PACS1: variants seen among roughly 807,000 people sequenced by gnomAD.
PACS1 encodes the protein PACS-1.
Under a neutral mutation model 115.0 loss-of-function variants are expected in PACS1, and 24 were observed. The ratio of observed to expected loss-of-function variants is 0.21; its 90% confidence interval spans 0.15 to 0.29. PACS1 has a LOEUF of 0.29. Ranked by LOEUF, PACS1 falls within the 10% of genes least tolerant of loss-of-function variation. The pLI is 1.00. For missense variants in PACS1, 838 were observed against 1,251.2 expected (o/e 0.67, Z 4.98); for synonymous variants, 453 against 504.5 (o/e 0.90, Z 1.37).
Position 66,216,230 on chromosome 11 carries a change from A to C in PACS1, c.772A>C (p.Ile258Leu). The change falls in exon 5 of 24, where the codon ATT becomes CTT. Residue 258 changes from isoleucine (I) to leucine (L), a missense_variant. This residue lies in a region of PACS1 where 223 missense variants were observed against 354.0 expected (regional missense o/e 0.63). Transcript: ENST00000320580. The part of the protein sequence containing the change: ...IKIYSLSSQP[I>L]DHEGIKSKLS... ...GATCTACTCCCTGTCCAGCCAACCC[A>C]TTGACCATGAAGGAATCAAATCCAA... 1 of 1,614,092 alleles carries C rather than the reference A, an allele frequency of 6.2e-7. No homozygotes were observed. Among genetic ancestry groups the C allele is most frequent in the Non-Finnish European group, 8.5e-7 (1 of 1,180,020 alleles).
chr11:66,160,727 C>T (rs1196446867), intron 1 of PACS1, among the ~76,000 whole-genome samples: 1 of 136,912 alleles, frequency 7.3e-6, no homozygotes, highest in Non-Finnish European at 1.5e-5. Context: ...CACTATGTTT[C>T]CCAGGCTGGT....
At chr11:66,213,055 G>A (rs962540573) in intron 4 of PACS1, among the ~76,000 whole-genome samples, 1 of 152,060 alleles carries the variant, frequency 6.6e-6, no homozygotes, top group Non-Finnish European at 1.5e-5. Context: ...GTTTCACCAT[G>A]TTGTCTGGGC....
intron 1 of PACS1, among the ~76,000 whole-genome samples, chr11:66,112,989 C>G (rs1319703225): frequency 6.6e-6 from 1 of 152,126 alleles, no homozygotes; most frequent in Non-Finnish European, 1.5e-5. Context: ...ATATGAAATT[C>G]TAGGAAGGGC....
At chr11:66,238,664 C>G in intron 19 of PACS1, 140 bp from the exon 20 acceptor site, 1 of 808,162 alleles carries the variant, frequency 1.2e-6, no homozygotes, top group South Asian at 1.6e-5. Flanking sequence ...CCACGCCCAG[C>G]CCAGATTTGC....
intron 1 of PACS1, among the ~76,000 whole-genome samples, chr11:66,164,142 G>T (rs1413679189): frequency 6.6e-6 from 1 of 152,118 alleles, no homozygotes; most frequent in Non-Finnish European, 1.5e-5. Flanking sequence ...GCAGAATCTG[G>T]ATTTAATGCC....
At chr11:66,079,789 CTT>C (rs1857452983) in intron 1 of PACS1, among the ~76,000 whole-genome samples, 1 of 152,208 alleles carries the variant, frequency 6.6e-6, no homozygotes, top group South Asian at 2.1e-4. Flanking sequence ...AAAAGATCCC[CTT>C]TTCATGGTTC....
chr11:66,077,185 C>T (rs926018396), intron 1 of PACS1, among the ~76,000 whole-genome samples: 4 of 152,222 alleles, frequency 2.6e-5, no homozygotes, highest in Non-Finnish European at 5.9e-5. Flanking sequence ...GACCTGCACC[C>T]TGCCTCTTGA....
chr11:66,070,480 C>T lies in PACS1; in HGVS notation c.-7C>T. 1 of 1,265,040 alleles carries T rather than the reference C, an allele frequency of 7.9e-7. No individual in the cohort carries two copies. Among genetic ancestry groups the T allele is most frequent in the East Asian group, 3.3e-5 (1 of 30,606 alleles). The allele number at this position is 1,265,040 out of a possible 1,614,324, so 78.4% of individuals were successfully genotyped here. A position where few individuals can be genotyped will look rare whatever the true frequency, so the allele number is the denominator to read the frequency against. ...CTCGGCCTCCGTAACCCCCGCCTAG[C>T]CGGGCCATGGCGGAACGCGGAGGGG... On this transcript the variant is annotated 5_prime_UTR_variant, in exon 1 of 24. Coordinates refer to ENST00000320580, the MANE Select transcript of PACS1 (RefSeq NM_018026.4). The surrounding 1 kb of genome is among the most constrained non-coding windows in gnomAD (Gnocchi z 5.9).
chr11:66,196,785 A>G (rs1025425250), intron 2 of PACS1, among the ~76,000 whole-genome samples: 2 of 152,108 alleles, frequency 1.3e-5, no homozygotes, highest in Non-Finnish European at 2.9e-5. Flanking sequence ...TTTAGTAGAG[A>G]CGGGGTTTTA....
chr11:66,107,895 C>G (rs563488050), intron 1 of PACS1, among the ~76,000 whole-genome samples: 1 of 152,242 alleles, frequency 6.6e-6, no homozygotes, highest in South Asian at 2.1e-4. Context: ...TTTGCAGGCC[C>G]CATCCTAATC....
intron 1 of PACS1, among the ~76,000 whole-genome samples, chr11:66,135,188 A>G (rs1858814618): frequency 6.6e-6 from 1 of 152,040 alleles, no homozygotes; most frequent in South Asian, 2.1e-4. Context: ...CAATAGAGAT[A>G]GACTCCATCT....
chr11:66,134,948 C>T (rs1034362582), intron 1 of PACS1, among the ~76,000 whole-genome samples: 45 of 152,150 alleles, frequency 3.0e-4, no homozygotes, highest in African/African-American at 9.7e-4. Context: ...CAGTGGCTCA[C>T]GCCTGTAATC....
At chr11:66,181,247 T>G (rs1860004447) in intron 1 of PACS1, among the ~76,000 whole-genome samples, 1 of 151,972 alleles carries the variant, frequency 6.6e-6, no homozygotes, top group Non-Finnish European at 1.5e-5. Flanking sequence ...AGTCTCACTC[T>G]GTCTCCCAGG....
At chr11:66,099,827 T>C (rs940523599) in intron 1 of PACS1, among the ~76,000 whole-genome samples, 22 of 151,646 alleles carry the variant, frequency 1.5e-4, no homozygotes, top group African/African-American at 5.3e-4. Flanking sequence ...ATTATAGGCA[T>C]GAGCCACCAT....
chr11:66,156,056 A>T (rs1444328819), intron 1 of PACS1, among the ~76,000 whole-genome samples: 11 of 151,778 alleles, frequency 7.2e-5, no homozygotes, highest in Non-Finnish European at 1.5e-4. Flanking sequence ...GGTGGAGGGA[A>T]GATTGCAAAG....
intron 1 of PACS1, among the ~76,000 whole-genome samples, chr11:66,101,302 G>GCGGA (rs1857912169): frequency 6.6e-6 from 1 of 152,100 alleles, no homozygotes; most frequent in African/African-American, 2.4e-5. Context: ...ACTCATGTAT[G>GCGGA]CGTCCGTTCA....
At chr11:66,110,458 C>A (rs1019897020) in intron 1 of PACS1, among the ~76,000 whole-genome samples, 1 of 151,988 alleles carries the variant, frequency 6.6e-6, no homozygotes, top group Non-Finnish European at 1.5e-5. Context: ...ACCACAGGCA[C>A]CTGCGTCTAG....
intron 5 of PACS1, 114 bp from the exon 6 acceptor site, chr11:66,216,406 C>G (rs1263238768): frequency 1.4e-6 from 2 of 1,397,162 alleles, no homozygotes; most frequent in Non-Finnish European, 2.0e-6. Context: ...CCTGGCCCTC[C>G]CCTCCACCCT....
At chr11:66,153,123 A>C (rs748401770) in intron 1 of PACS1, among the ~76,000 whole-genome samples, 7 of 151,986 alleles carry the variant, frequency 4.6e-5, no homozygotes, top group Non-Finnish European at 7.4e-5. Flanking sequence ...TAAGATACAT[A>C]TGTGTTTTTT....
Sources: gnomAD v4.1 joint callset for allele counts (sites outside exome capture counted in the v4.1 genomes callset) on GRCh38, gnomAD v4.1.1 for gene constraint, gnomAD v4.1.1 regional missense constraint, Gnocchi (gnomAD v3.1) non-coding constraint, MANE v1.5 for transcripts, NCBI Gene and HGNC (gene_info 2026-07-23, HGNC 2026-07-21) for gene names.